ANKFN1: variants seen among roughly 807,000 people sequenced by gnomAD.
ANKFN1 encodes the protein ankyrin repeat and fibronectin type III domain containing 1.
ANKFN1 carries 74 observed loss-of-function variants against 108.7 expected under a neutral mutation model. The observed-to-expected ratio is 0.68, with a 90% CI of 0.56 to 0.83. The LOEUF (loss-of-function observed/expected upper bound fraction) is 0.83, where lower values mean the gene tolerates loss of function less well. ANKFN1 is among the 40% of genes least tolerant of loss of function. The pLI is 0.00. For missense variants in ANKFN1, 1,505 were observed against 1,382.3 expected, an observed-to-expected ratio of 1.09 and a Z score of -1.41; for synonymous variants, 547 against 516.2, an observed-to-expected ratio of 1.06 and a Z score of -0.81.
chr17:56,247,856 C>T (rs548838310), intron 3 of ANKFN1, among the ~76,000 whole-genome samples: 5 of 152,288 alleles, frequency 3.3e-5, no homozygotes, highest in South Asian at 4.1e-4. Context: ...TAGAAAATTT[C>T]TTAGACAATG....
At chr17:56,198,473 TTGCTCACCCAC>T (rs1421735077) in intron 1 of ANKFN1, among the ~76,000 whole-genome samples, 1 of 152,146 alleles carries the variant, frequency 6.6e-6, no homozygotes, top group African/African-American at 2.4e-5. Context: ...GAAGCTTTGC[TTGCTCACCCAC>T]TGCTCACCTC....
At chr17:56,230,372 T>C (rs1187210836) in intron 3 of ANKFN1, among the ~76,000 whole-genome samples, 1 of 152,108 alleles carries the variant, frequency 6.6e-6, no homozygotes, top group African/African-American at 2.4e-5. Context: ...AAGGAAGACA[T>C]TTTCTCCTGA....
At chr17:56,128,203 G>T (rs1282645280) in intron 4 of ANKFN1, among the ~76,000 whole-genome samples, 1 of 149,546 alleles carries the variant, frequency 6.7e-6, no homozygotes, top group African/African-American at 2.5e-5. Context: ...TAAGGGGTTT[G>T]TTTTTACCTC....
rs1915787991 is a variant in ANKFN1, at chr17:56,220,792, GAGGAAGGGAGGGAGGGAGGAAGGAAGGA to G, written c.13-7117_13-7090del. 1.4e-4 allele frequency among the ~76,000 whole-genome samples: 11 copies of G among 79,824 alleles called. No homozygotes were observed. In the South Asian group the frequency reaches 5.4e-3, roughly 40 times the overall value. The allele number at this position is 79,824 out of a possible 152,430, so 52.4% of individuals were successfully genotyped here. A position where few individuals can be genotyped will look rare whatever the true frequency, so the allele number is the denominator to read the frequency against. ...GGAGGGAGGAAGTCAGGAAGGAAGG[GAGGAAGGGAGGGAGGGAGGAAGGAAGGA>G]AGGAAGGAAGGGAGGAAGGGAGGGA... On this transcript the variant is annotated intron_variant, in intron 2 of 20. Coordinates refer to ENST00000682825, the MANE Select transcript of ANKFN1 (RefSeq NM_001370326.1).
At chr17:56,278,319 C>T (rs2043986900) in intron 3 of ANKFN1, among the ~76,000 whole-genome samples, 1 of 152,204 alleles carries the variant, frequency 6.6e-6, no homozygotes, top group Non-Finnish European at 1.5e-5. Flanking sequence ...CTCAGTCACT[C>T]CCCTCCTCAG....
chr17:56,123,733 A>T (rs1408441142), intron 4 of ANKFN1, among the ~76,000 whole-genome samples: 5 of 151,706 alleles, frequency 3.3e-5, no homozygotes, highest in African/African-American at 7.3e-5. Flanking sequence ...TAACAAACTC[A>T]AGTTTGTTTT....
chr17:56,150,260 C>T (rs114770451), upstream of ANKFN1, among the ~76,000 whole-genome samples: 2 of 152,328 alleles, frequency 1.3e-5, no homozygotes, highest in African/African-American at 4.8e-5. Flanking sequence ...TTGGAATCAA[C>T]ATGATTAAGT....
In ANKFN1 at chr17:56,124,347, G is replaced by A. The variant is rs150623111; in HGVS notation, c.288+78022G>A. Among the ~76,000 whole-genome samples the A allele has an allele frequency of 1.7e-3, 259 of 152,336 alleles. 2 individuals are homozygous for A. Among genetic ancestry groups the A allele is most frequent in the African/African-American group, 5.9e-3 (245 of 41,574 alleles). ...CGGAGCTGGTGGGTTCAGTCCATGTGTGATGGCCACAGAATCCATGCTGCT... is the reference window on the plus strand; with the variant it reads ...CGGAGCTGGTGGGTTCAGTCCATGTATGATGGCCACAGAATCCATGCTGCT... On this transcript the variant is annotated intron_variant, in intron 4 of 12. Transcript: ENST00000635860.
chr17:56,402,168 T>G (rs1255378133), intron 8 of ANKFN1, among the ~76,000 whole-genome samples: 1 of 152,148 alleles, frequency 6.6e-6, no homozygotes, highest in Admixed American at 6.5e-5. Context: ...TTTGGTTATG[T>G]CCTTTCCTGG....
intron 4 of ANKFN1, among the ~76,000 whole-genome samples, chr17:56,107,393 G>A (rs1195073620): frequency 2.0e-5 from 3 of 152,170 alleles, no homozygotes; most frequent in South Asian, 4.1e-4. Flanking sequence ...ATTTAATCTG[G>A]ATAGTTTTTG....
chr17:56,505,372 T>G lies in ANKFN1; in HGVS notation c.2645-5101T>G, dbSNP rs115146244. ...TTACTGAGAGCCTTCTATGTACCATTTATAGCACAAGAGGTTACTAATACA... is the reference window on the plus strand; with the variant it reads ...TTACTGAGAGCCTTCTATGTACCATGTATAGCACAAGAGGTTACTAATACA... On this transcript the variant is annotated intron_variant, in intron 20 of 20. Coordinates refer to ENST00000682825, the MANE Select transcript of ANKFN1 (RefSeq NM_001370326.1). 7.7e-3 allele frequency among the ~76,000 whole-genome samples: 1,176 copies of G among 152,346 alleles called. 16 individuals carry two copies. The highest frequency in any genetic ancestry group is 0.027 in the African/African-American group (1,134 of 41,576).
intron 8 of ANKFN1, among the ~76,000 whole-genome samples, chr17:56,415,908 G>A (rs777932089): frequency 4.6e-5 from 7 of 151,876 alleles, no homozygotes; most frequent in African/African-American, 1.5e-4. Context: ...GAAACAAATC[G>A]ATACACCTAC....
intron 4 of ANKFN1, among the ~76,000 whole-genome samples, chr17:56,123,749 A>G (rs947880474): frequency 1.3e-5 from 2 of 151,876 alleles, no homozygotes; most frequent in South Asian, 4.2e-4. Flanking sequence ...GTTTTTTTCT[A>G]AAGGCCTTGT....
At chr17:56,350,114 C>A (rs753070641) in intron 4 of ANKFN1, among the ~76,000 whole-genome samples, 1 of 152,122 alleles carries the variant, frequency 6.6e-6, no homozygotes, top group Non-Finnish European at 1.5e-5. Flanking sequence ...TTGAAGAATG[C>A]CAGTAGTGAG....
intron 3 of ANKFN1, among the ~76,000 whole-genome samples, chr17:56,231,742 T>G (rs907578584): frequency 6.6e-6 from 1 of 152,218 alleles, no homozygotes; most frequent in African/African-American, 2.4e-5. Context: ...GCTACTCATA[T>G]GTTAATTACA....
chr17:56,365,338 A>G (rs1393790513), intron 6 of ANKFN1, among the ~76,000 whole-genome samples: 3 of 152,202 alleles, frequency 2.0e-5, no homozygotes, highest in African/African-American at 7.2e-5. Flanking sequence ...TATTTTATAA[A>G]ACAAGTATTT....
chr17:56,501,205 G>T (rs148182326), intron 20 of ANKFN1, among the ~76,000 whole-genome samples: 1 of 152,322 alleles, frequency 6.6e-6, no homozygotes, highest in Non-Finnish European at 1.5e-5. Flanking sequence ...TGAGAGACAG[G>T]GTAGAGAGCA....
Position 56,307,385 on chromosome 17 carries a change from AAAAC to A in ANKFN1, c.54-18829_54-18826del, listed in dbSNP as rs886209238. Among the ~76,000 whole-genome samples, 255 of 152,342 alleles carry A rather than the reference AAAAC, an allele frequency of 1.7e-3. 1 individual carries two copies. The highest frequency in any genetic ancestry group is 6.0e-3 in the African/African-American group (248 of 41,570). On this transcript the variant is annotated intron_variant, in intron 3 of 20. Transcript: ENST00000682825. ...TGAACTCCAACACATTTACAAGAAA[AAAAC>A]AAACAACCCCATCAAAAAGTGGGCG...
At chr17:56,210,525 A>G (rs1249419226) in intron 1 of ANKFN1, among the ~76,000 whole-genome samples, 1 of 152,100 alleles carries the variant, frequency 6.6e-6, no homozygotes, top group Non-Finnish European at 1.5e-5. Flanking sequence ...TTTGTTGGCC[A>G]TTTGTATATC....
Sources: allele counts gnomAD v4.1 joint callset (sites outside exome capture counted in the v4.1 genomes callset), GRCh38; gene constraint gnomAD v4.1.1; transcripts MANE v1.5; gene names NCBI Gene and HGNC (gene_info 2026-07-23, HGNC 2026-07-21).